Variants in DMD observed in about 807,000 individuals in gnomAD.
The protein encoded by DMD is mutant dystrophin.
Under a neutral mutation model 330.1 loss-of-function variants are expected in DMD, and 63 were observed. The ratio of observed to expected loss-of-function variants is 0.19; its 90% CI spans 0.16 to 0.24. DMD has a LOEUF of 0.24. Among genes scored for constraint, DMD ranks in the 10% least tolerant of loss-of-function variants. The probability of loss-of-function intolerance (pLI) is 1.00; values close to 1 mark genes in which losing one functional copy is unlikely to be tolerated. For missense variants in DMD, 3,344 were observed against 2,684.1 expected, an observed-to-expected ratio of 1.25 and a Z score of -5.43; for synonymous variants, 1,223 against 959.8, an observed-to-expected ratio of 1.27 and a Z score of -5.07.
chrX:32,877,752 G>A (rs1459081213), intron 2 of DMD, among the ~76,000 whole-genome samples: 1 of 111,913 alleles, frequency 8.9e-6, no homozygotes, highest in African/African-American at 3.3e-5. Context: ...CCTTAGGGTA[G>A]TCTTAAGGCA....
intron 1 of DMD, among the ~76,000 whole-genome samples, chrX:33,026,207 C>G (rs1333754674): frequency 3.3e-4 from 34 of 103,012 alleles, no homozygotes; most frequent in African/African-American, 1.2e-3. Context: ...TGGTGGCGGG[C>G]GCCTGTAGTC....
chrX:32,305,910 C>T (rs1191005247), intron 42 of DMD, among the ~76,000 whole-genome samples: 1 of 110,734 alleles, frequency 9.0e-6, no homozygotes, highest in African/African-American at 3.3e-5. Context: ...ACACAGACTC[C>T]ATGGCTGACT....
chrX:32,070,718 G>A, intron 44 of DMD, among the ~76,000 whole-genome samples: 1 of 111,234 alleles, frequency 9.0e-6, no homozygotes, highest in African/African-American at 3.3e-5. Context: ...AGTAACTCAG[G>A]AATGGAAAAC....
At chrX:32,617,154 A>T (rs1435629108) in intron 11 of DMD, among the ~76,000 whole-genome samples, 1 of 110,843 alleles carries the variant, frequency 9.0e-6, no homozygotes, top group Non-Finnish European at 1.9e-5. Flanking sequence ...GTAGTACTAC[A>T]TTAGAAAACT....
At chrX:32,410,157 A>ATT (rs2098135835) in intron 30 of DMD, among the ~76,000 whole-genome samples, 1 of 111,013 alleles carries the variant, frequency 9.0e-6, no homozygotes, top group South Asian at 3.8e-4. Context: ...ATCATTATAT[A>ATT]TCAAGACAAA....
chrX:31,191,116 G>T (rs984342368), intron 67 of DMD, among the ~76,000 whole-genome samples: 13 of 111,796 alleles, frequency 1.2e-4, no homozygotes, highest in African/African-American at 3.9e-4. Context: ...ATAAACAGTT[G>T]CAGAAATTTA....
intron 1 of DMD, among the ~76,000 whole-genome samples, chrX:33,268,150 C>T (rs753022047): frequency 2.2e-4 from 24 of 110,006 alleles, no homozygotes; most frequent in Middle Eastern, 4.7e-3. Flanking sequence ...CCACCACACC[C>T]GGCTAATTTT....
rs189710670 is a variant in DMD at position 31,521,172 on chromosome X, T to C, written c.8218-13719A>G. Among the ~76,000 whole-genome samples, 593 of 110,000 alleles carry C rather than the reference T, an allele frequency of 5.4e-3. 7 individuals are homozygous for C. The highest frequency in any genetic ancestry group is 0.018 in the African/African-American group (558 of 30,246). ...TTACATGAGAATGACTTTTTTTTTT[T>C]TTTGAGACAGAGTTTTGCTCTTGTC... is the stretch of plus-strand genomic sequence containing the variant. On this transcript the variant is annotated intron_variant, in intron 55 of 78. Transcript: ENST00000357033.
chrX:31,861,997 G>T (rs1210755060), intron 48 of DMD, among the ~76,000 whole-genome samples: 1 of 107,612 alleles, frequency 9.3e-6, no homozygotes. Context: ...TTCTTGGAAG[G>T]CTACCCAGGA....
chrX:32,552,173 C>G (rs1318839831), intron 16 of DMD, among the ~76,000 whole-genome samples: 1 of 111,670 alleles, frequency 9.0e-6, no homozygotes, highest in Non-Finnish European at 1.9e-5. Context: ...CCAAGGTAAT[C>G]CTAAGCAAAA....
intron 50 of DMD, among the ~76,000 whole-genome samples, chrX:31,780,780 A>C: frequency 8.9e-6 from 1 of 111,914 alleles, no homozygotes; most frequent in Middle Eastern, 4.7e-3. Flanking sequence ...ATAAACACTT[A>C]TTTTTGTCTG....
chrX:32,565,497 C>T (rs1005723353), intron 16 of DMD, among the ~76,000 whole-genome samples: 1 of 111,489 alleles, frequency 9.0e-6, no homozygotes, highest in Non-Finnish European at 1.9e-5. Flanking sequence ...CACTCTAGGG[C>T]AGTAACAAGT....
chrX:33,259,595 T>TCCC (rs1401918338), intron 1 of DMD, among the ~76,000 whole-genome samples: 1 of 44,957 alleles, frequency 2.2e-5, no homozygotes, highest in African/African-American at 1.3e-4. Flanking sequence ...TATTTCAAAA[T>TCCC]CGCCCCCCCC....
chrX:31,895,856 T>A (rs1452514792), intron 47 of DMD, among the ~76,000 whole-genome samples: 1 of 112,000 alleles, frequency 8.9e-6, no homozygotes. Context: ...CGGCATAATT[T>A]TTCTTGGATT....
intron 2 of DMD, among the ~76,000 whole-genome samples, chrX:32,883,692 C>T (rs1034053133): frequency 1.0e-3 from 111 of 106,974 alleles, no homozygotes; most frequent in Non-Finnish European, 2.0e-3. Context: ...GGCATGGTGG[C>T]GGGCACCTGT....
chrX:31,725,927 A>T (rs1239487153), intron 52 of DMD, among the ~76,000 whole-genome samples: 2 of 112,455 alleles, frequency 1.8e-5, no homozygotes, highest in Non-Finnish European at 3.8e-5. Context: ...ACAGACACGA[A>T]CAAGAGTTTC....
chrX:31,399,240 A>T (rs2148832185), intron 60 of DMD, among the ~76,000 whole-genome samples: 1 of 109,604 alleles, frequency 9.1e-6, no homozygotes, highest in South Asian at 4.1e-4. Flanking sequence ...AGGGGAGCTG[A>T]AAAGGGGATG....
chrX:31,214,936 TC>T (rs139085591), intron 64 of DMD, among the ~76,000 whole-genome samples: 5,433 of 48,032 alleles, frequency 0.11, 409 homozygotes, highest in Non-Finnish European at 0.14. Context: ...ATTTCTTTTT[TC>T]TTTTTTTTTT....
At chrX:31,382,673 C>T (rs1363924440) in intron 60 of DMD, among the ~76,000 whole-genome samples, 1 of 111,071 alleles carries the variant, frequency 9.0e-6, no homozygotes, top group Non-Finnish European at 1.9e-5. Flanking sequence ...GTATCCAGGC[C>T]ATCACCAATA....
Sources: allele counts gnomAD v4.1 joint callset (sites outside exome capture counted in the v4.1 genomes callset), GRCh38; gene constraint gnomAD v4.1.1; transcripts MANE v1.5; gene names NCBI Gene and HGNC (gene_info 2026-07-23, HGNC 2026-07-21).